MBD5: variants seen among roughly 807,000 people sequenced by gnomAD.
MBD5 encodes the protein methyl-CpG-binding domain protein 5.
In MBD5, 13 loss-of-function variants were observed where a neutral mutation model predicts 117.3. The ratio of observed to expected loss-of-function variants is 0.11; its 90% CI spans 0.07 to 0.18. The LOEUF is 0.18. MBD5 is among the 10% of genes least tolerant of loss of function. The pLI is 1.00. For synonymous variants in MBD5, 727 were observed against 766.4 expected (o/e 0.95, Z 0.85); for missense variants, 1,879 against 2,093.8 (o/e 0.90, Z 2.00).
chr2:148,364,246 G>A (rs1703629308), intron 4 of MBD5, among the ~76,000 whole-genome samples: 4 of 152,162 alleles, frequency 2.6e-5, no homozygotes, highest in Admixed American at 2.6e-4. Flanking sequence ...GCCAAACAAA[G>A]CTTCATAAGC....
chr2:148,252,733 A>G (rs1018152754), intron 3 of MBD5, among the ~76,000 whole-genome samples: 2 of 152,130 alleles, frequency 1.3e-5, no homozygotes, highest in South Asian at 4.1e-4. Flanking sequence ...TATTTTTTGT[A>G]GAGACAGGGT....
At chr2:148,057,749 G>T (rs954405585) in intron 1 of MBD5, among the ~76,000 whole-genome samples, 6 of 151,714 alleles carry the variant, frequency 4.0e-5, no homozygotes, top group Non-Finnish European at 5.9e-5. Context: ...CATTACTTAG[G>T]TTTCTTCCTT....
rs1441233926 is a variant in MBD5, at chr2:148,490,390, A to C, written c.4758A>C (p.Ser1586=). The change falls in exon 11 of 14, where the codon TCA becomes TCC. Residue 1586 remains serine, a synonymous_variant. Transcript: ENST00000642680. Reference sequence around the variant, plus strand: ...TTAATGGGTGTGTGCCTAGCCCTTCAGATGCTAAAAGCATTAGTAGTGAAG... The same window carrying C: ...TTAATGGGTGTGTGCCTAGCCCTTCCGATGCTAAAAGCATTAGTAGTGAAG... ...KSVNGCVPSP[S]DAKSISSEDD... is the part of the protein sequence containing the mutation. The C allele has an allele frequency of 6.2e-7, 1 of 1,614,064 alleles. No individual in the cohort carries two copies. Among genetic ancestry groups the C allele is most frequent in the Non-Finnish European group, 8.5e-7 (1 of 1,180,038 alleles).
In MBD5 at chr2:148,219,215, G is replaced by A. The variant is rs574240432; in HGVS notation, c.-830-14030G>A. The stretch of plus-strand genomic sequence containing the variant: ...AACACACACATTAGGCTAGGCTTAT[G>A]CAGGGTCAGGATCATCAGTATCGCT... On this transcript the variant is annotated intron_variant, in intron 2 of 13. Coordinates refer to ENST00000642680, the MANE Select transcript of MBD5 (RefSeq NM_001378120.1). 2.6e-5 allele frequency among the ~76,000 whole-genome samples: 4 copies of A among 152,168 alleles called. 1 individual carries two copies. In the South Asian group the frequency reaches 8.3e-4, roughly 32 times the overall value.
intron 12 of MBD5, among the ~76,000 whole-genome samples, chr2:148,504,709 T>C (rs1681977188): frequency 1.3e-5 from 2 of 152,276 alleles, no homozygotes; most frequent in African/African-American, 4.8e-5. Context: ...GGAGAAGATA[T>C]GTGGGCCAAG....
At chr2:148,415,243 A>G (rs891453330) in intron 4 of MBD5, among the ~76,000 whole-genome samples, 2 of 152,168 alleles carry the variant, frequency 1.3e-5, no homozygotes, top group South Asian at 2.1e-4. Flanking sequence ...TTAGCTGGAT[A>G]TGAAATTCTT....
intron 1 of MBD5, among the ~76,000 whole-genome samples, chr2:148,050,671 C>G (rs899319542): frequency 2.0e-5 from 3 of 152,072 alleles, no homozygotes; most frequent in Non-Finnish European, 4.4e-5. Context: ...CTATATCCCC[C>G]CATTGAATTG....
intron 1 of MBD5, among the ~76,000 whole-genome samples, chr2:148,116,277 A>T (rs1696639726): frequency 6.6e-6 from 1 of 152,010 alleles, no homozygotes; most frequent in African/African-American, 2.4e-5. Context: ...CTGAGAAGTC[A>T]CTACTGGTAT....
chr2:148,471,513 T>A (rs558744792), intron 8 of MBD5: 1 of 152,076 alleles, frequency 6.6e-6, no homozygotes, highest in African/African-American at 2.4e-5. Context: ...ACTGCTGAGG[T>A]TTTTAATAAT....
intron 1 of MBD5, among the ~76,000 whole-genome samples, chr2:148,066,014 A>C (rs1479490349): frequency 1.3e-5 from 2 of 152,202 alleles, no homozygotes; most frequent in African/African-American, 4.8e-5. Context: ...ATAAGCATTA[A>C]TTTTAAATGC....
intron 3 of MBD5, among the ~76,000 whole-genome samples, chr2:148,239,714 CACACAT>C (rs1324038276): frequency 2.7e-5 from 4 of 148,136 alleles, no homozygotes; most frequent in Non-Finnish European, 6.1e-5. Flanking sequence ...CACACACACA[CACACAT>C]ATATTGAGAT....
chr2:148,273,716 A>G (rs958054213), intron 3 of MBD5, among the ~76,000 whole-genome samples: 1 of 152,202 alleles, frequency 6.6e-6, no homozygotes, highest in Non-Finnish European at 1.5e-5. Flanking sequence ...AGACTTGACA[A>G]TTATCTCCTG....
intron 4 of MBD5, among the ~76,000 whole-genome samples, chr2:148,344,388 T>C (rs1703032229): frequency 6.6e-6 from 1 of 152,124 alleles, no homozygotes; most frequent in Non-Finnish European, 1.5e-5. Context: ...TAGCGTTTAA[T>C]CTGTAGATTG....
Position 148,154,773 on chromosome 2 carries a change from C to A in MBD5, c.-924-23927C>A, listed in dbSNP as rs1175023557. On this transcript the variant is annotated intron_variant, in intron 1 of 13. Coordinates refer to ENST00000642680, the MANE Select transcript of MBD5 (RefSeq NM_001378120.1). ...CTTGCGCTTCCCAAGTGAGGCAATG[C>A]CTTGCCCTGCTTCGGCTCGCGCACG... Among the ~76,000 whole-genome samples the A allele has an allele frequency of 2.0e-5, 3 of 152,198 alleles. No individual in the cohort carries two copies. The South Asian group carries it at 6.2e-4, about 31-fold the overall frequency.
intron 2 of MBD5, among the ~76,000 whole-genome samples, chr2:148,226,934 C>A (rs369697660): frequency 6.6e-6 from 1 of 151,862 alleles, no homozygotes; most frequent in Admixed American, 6.6e-5. Flanking sequence ...TCTGTTCATA[C>A]CCTTGACCCA....
chr2:148,121,834 A>G (rs1480777223), intron 1 of MBD5, among the ~76,000 whole-genome samples: 2 of 152,130 alleles, frequency 1.3e-5, no homozygotes, highest in African/African-American at 4.8e-5. Flanking sequence ...TAAAAAAATT[A>G]TTTTGTACTT....
intron 4 of MBD5, among the ~76,000 whole-genome samples, chr2:148,426,040 T>G (rs2105303543): frequency 6.6e-6 from 1 of 152,178 alleles, no homozygotes; most frequent in South Asian, 2.1e-4. Context: ...ATGAGGGAAC[T>G]CCCATTCACA....
intron 3 of MBD5, among the ~76,000 whole-genome samples, chr2:148,298,591 C>T (rs1701710090): frequency 6.6e-6 from 1 of 152,190 alleles, no homozygotes; most frequent in Non-Finnish European, 1.5e-5. Context: ...GAGCTCCTCA[C>T]TCCTCATCCA....
At chr2:148,354,101 T>A (rs28605140) in intron 4 of MBD5, among the ~76,000 whole-genome samples, 1,763 of 152,220 alleles carry the variant, frequency 0.012, 32 homozygotes, top group African/African-American at 0.04. Flanking sequence ...TTTAAAAAAA[T>A]TTTTTTATTT....
Sources: gnomAD v4.1 joint callset for allele counts (sites outside exome capture counted in the v4.1 genomes callset) on GRCh38, gnomAD v4.1.1 for gene constraint, MANE v1.5 for transcripts, NCBI Gene and HGNC (gene_info 2026-07-23, HGNC 2026-07-21) for gene names.